The following CUX2 variants were observed in gnomAD, a reference collection of about 807,000 sequenced individuals.
CUX2 encodes the protein cut like homeobox 2, also known as homeobox protein cut-like 2.
In CUX2, 40 loss-of-function variants were observed where a neutral mutation model predicts 144.8. That is an observed-to-expected ratio of 0.28 (90% CI 0.21 to 0.36). The LOEUF is 0.36. CUX2 is among the 10% of genes least tolerant of loss of function. CUX2 has a pLI of 1.00. For synonymous variants in CUX2, 827 were observed against 875.6 expected (o/e 0.94, Z 0.98); for missense variants, 1,615 against 1,994.0 (o/e 0.81, Z 3.62).
intron 1 of CUX2, among the ~76,000 whole-genome samples, chr12:111,198,230 T>C (rs949191818): frequency 6.6e-6 from 1 of 152,000 alleles, no homozygotes; most frequent in Non-Finnish European, 1.5e-5. Context: ...AAGCCCAGCA[T>C]TTTGGGAGGC....
rs1885420372 is a variant in CUX2 at position 111,287,008 on chromosome 12, T to C, written c.302-4410T>C. 6.6e-6 allele frequency among the ~76,000 whole-genome samples: 1 copy of C among 152,180 alleles called. No homozygotes were observed. Among genetic ancestry groups the C allele is most frequent in the Non-Finnish European group, 1.5e-5 (1 of 68,030 alleles). ...TGTGAGCTTAATGACTGTTTTACAC[T>C]GTACCTGCAAAGGAAGGCAAAAAGA... On this transcript the variant is annotated intron_variant, in intron 4 of 21. Coordinates refer to ENST00000261726, the MANE Select transcript of CUX2 (RefSeq NM_015267.4). The surrounding 1 kb of genome is among the most constrained non-coding windows in gnomAD (Gnocchi z 4.2).
At chr12:111,136,178 C>CATCG (rs1415975312) in intron 1 of CUX2, among the ~76,000 whole-genome samples, 4 of 151,858 alleles carry the variant, frequency 2.6e-5, no homozygotes, top group Non-Finnish European at 5.9e-5. Flanking sequence ...GATGCAGGAA[C>CATCG]ATCGCGTGTT....
At chr12:111,217,771 A>G (rs1881626983) in intron 2 of CUX2, 119 bp from the exon 3 acceptor site, 2 of 1,026,170 alleles carry the variant, frequency 1.9e-6, no homozygotes, top group Admixed American at 1.8e-5. Context: ...AATGGAGTTC[A>G]GGCCCCACGG....
At chr12:111,115,987 G>A (rs960804512) in intron 1 of CUX2, among the ~76,000 whole-genome samples, 5 of 152,196 alleles carry the variant, frequency 3.3e-5, no homozygotes, top group African/African-American at 1.2e-4. Context: ...GTCATTCACA[G>A]TTTGATGAAT....
chr12:111,294,703 C>G lies in CUX2; in HGVS notation c.561-630C>G, dbSNP rs1885879066. Among the ~76,000 whole-genome samples the G allele has an allele frequency of 2.0e-5, 3 of 152,108 alleles. No individual in the cohort carries two copies. In the South Asian group the frequency reaches 6.2e-4, roughly 32 times the overall value. On this transcript the variant is annotated intron_variant, in intron 6 of 21. Coordinates refer to ENST00000261726, the MANE Select transcript of CUX2 (RefSeq NM_015267.4). ...CTTGAGGTCGGCAGTTTGAGACCAG[C>G]CTGACCAACATGGTGAAACCCTGTC...
chr12:111,196,589 G>T, intron 1 of CUX2, among the ~76,000 whole-genome samples: 1 of 152,102 alleles, frequency 6.6e-6, no homozygotes, highest in South Asian at 2.1e-4. Flanking sequence ...AATGGCAGGT[G>T]GGGGGCATAC....
chr12:111,044,174 A>G (rs1488003208), intron 1 of CUX2, among the ~76,000 whole-genome samples: 1 of 152,096 alleles, frequency 6.6e-6, no homozygotes, highest in Non-Finnish European at 1.5e-5. Context: ...CCTGCCTTCA[A>G]GTCTGTTTCT....
chr12:111,216,784 C>G (rs1161177860), intron 2 of CUX2, among the ~76,000 whole-genome samples: 1 of 145,178 alleles, frequency 6.9e-6, no homozygotes, highest in African/African-American at 2.6e-5. Flanking sequence ...ATACATCAGT[C>G]TATCAATCAG....
chr12:111,169,289 C>T (rs1006586127), intron 1 of CUX2, among the ~76,000 whole-genome samples: 2 of 152,158 alleles, frequency 1.3e-5, no homozygotes, highest in African/African-American at 4.8e-5. Context: ...GAAGGACCCT[C>T]CCCTGGAGCC....
chr12:111,039,931 C>T lies in CUX2; in HGVS notation c.63+5691C>T, dbSNP rs536400937. Among the ~76,000 whole-genome samples the T allele has an allele frequency of 2.2e-4, 33 of 152,272 alleles. No individual in the cohort carries two copies. The highest frequency in any genetic ancestry group is 2.0e-3 in the Admixed American group (30 of 15,298). On this transcript the variant is annotated intron_variant, in intron 1 of 21. Coordinates refer to ENST00000261726, the MANE Select transcript of CUX2 (RefSeq NM_015267.4). The surrounding 1 kb of genome is among the most constrained non-coding windows in gnomAD (Gnocchi z 4.2). ...TGTCTAGGATGGAGTTATTTGGTTT[C>T]TAAGCCTCAGTGAGCCCTTCACCAA... is the stretch of plus-strand genomic sequence containing the variant.
At position 111,287,096 on chromosome 12, in the gene CUX2, C is replaced by T. The variant is rs895291215; in HGVS notation, c.302-4322C>T. On this transcript the variant is annotated intron_variant, in intron 4 of 21. Coordinates refer to ENST00000261726, the MANE Select transcript of CUX2 (RefSeq NM_015267.4). This position sits in a 1 kb window ranked among gnomAD's most constrained non-coding sequence, Gnocchi z 4.2. The stretch of plus-strand genomic sequence containing the variant: ...AGCCAGCCCCTGTTCCCACCAGCCT[C>T]TCTGGGGAGCCACCTGAGGCCAGCC... 6.6e-6 allele frequency among the ~76,000 whole-genome samples: 1 copy of T among 152,260 alleles called. No homozygotes were observed. Among genetic ancestry groups the T allele is most frequent in the African/African-American group, 2.4e-5 (1 of 41,476 alleles).
Position 111,312,257 on chromosome 12 carries a change from G to C in CUX2, c.2002+56G>C, listed in dbSNP as rs1001242988. The C allele has an allele frequency of 4.1e-6, 6 of 1,460,710 alleles. No homozygotes were observed. The highest frequency in any genetic ancestry group is 5.6e-6 in the Non-Finnish European group (6 of 1,067,088). 90.5% of individuals were successfully genotyped at this position (1,460,710 alleles called of 1,614,324 possible). A position where few individuals can be genotyped will look rare whatever the true frequency, so the allele number is the denominator to read the frequency against. The stretch of plus-strand genomic sequence containing the variant: ...GGCCCCCGGGGCCAGCTGCGAACAG[G>C]AGATGAGGCTTCGTCTACCTTTGTC... On this transcript the variant is annotated intron_variant, in intron 16 of 21. Transcript: ENST00000261726. This position sits in a 1 kb window ranked among gnomAD's most constrained non-coding sequence, Gnocchi z 4.3.
At chr12:111,344,295 T>TA (rs1298946399) in intron 21 of CUX2, among the ~76,000 whole-genome samples, 1 of 152,154 alleles carries the variant, frequency 6.6e-6, no homozygotes, top group Non-Finnish European at 1.5e-5. Context: ...TTAAGGATCT[T>TA]ACAGTCATAA....
chr12:111,101,165 C>A (rs1391566547), intron 1 of CUX2, among the ~76,000 whole-genome samples: 1 of 152,310 alleles, frequency 6.6e-6, no homozygotes, highest in South Asian at 2.1e-4. Context: ...ACTCACCCCT[C>A]GTGATGAGGA....
chr12:111,174,398 A>T (rs944066263), intron 1 of CUX2, among the ~76,000 whole-genome samples: 17 of 152,164 alleles, frequency 1.1e-4, no homozygotes, highest in Non-Finnish European at 2.5e-4. Context: ...CAATCTGTGA[A>T]CCCTAATTTC....
chr12:111,188,461 C>T (rs568535621), intron 1 of CUX2, among the ~76,000 whole-genome samples: 4 of 152,052 alleles, frequency 2.6e-5, no homozygotes, highest in African/African-American at 7.2e-5. Context: ...CACCAGGGGC[C>T]GAGGGAGAGG....
intron 3 of CUX2, among the ~76,000 whole-genome samples, chr12:111,238,091 C>A (rs1475874734): frequency 6.6e-6 from 1 of 152,264 alleles, no homozygotes. Context: ...TCTTTCAGAT[C>A]TTTGTTCAAG....
At chr12:111,152,224 G>A (rs2136137853) in intron 1 of CUX2, among the ~76,000 whole-genome samples, 2 of 152,252 alleles carry the variant, frequency 1.3e-5, no homozygotes, top group South Asian at 2.1e-4. Flanking sequence ...GGTGGAGGTT[G>A]CAATGAGCCA....
intron 1 of CUX2, among the ~76,000 whole-genome samples, chr12:111,073,108 T>C (rs1432056383): frequency 6.6e-6 from 1 of 152,236 alleles, no homozygotes; most frequent in Admixed American, 6.5e-5. Context: ...AACATACTCA[T>C]GGAATTTCCA....
Sources: gnomAD v4.1 joint callset for allele counts (sites outside exome capture counted in the v4.1 genomes callset) on GRCh38, gnomAD v4.1.1 for gene constraint, Gnocchi (gnomAD v3.1) non-coding constraint, MANE v1.5 for transcripts, NCBI Gene and HGNC (gene_info 2026-07-23, HGNC 2026-07-21) for gene names.